The following SNTG2 variants were observed in gnomAD, a reference collection of about 807,000 sequenced individuals.
SNTG2 encodes the protein gamma-2-syntrophin.
Under a neutral mutation model 70.9 loss-of-function variants are expected in SNTG2, and 74 were observed. The observed-to-expected ratio is 1.04, with a 90% CI of 0.86 to 1.27. The LOEUF (loss-of-function observed/expected upper bound fraction) is 1.27, where lower values mean the gene tolerates loss of function less well. SNTG2 is among the 50% of genes most tolerant of loss of function. SNTG2 has a pLI of 0.00. For missense variants in SNTG2, 717 were observed against 690.7 expected (o/e 1.04, Z -0.43); for synonymous variants, 278 against 273.8 (o/e 1.02, Z -0.15).
At chr2:1,341,150 C>T (rs1660065167) in intron 16 of SNTG2, 1 of 152,166 alleles carries the variant, frequency 6.6e-6, no homozygotes, top group Admixed American at 6.5e-5. Context: ...GTTGGAGATG[C>T]TCACAGGAGT....
chr2:1,204,764 G>A (rs1426751436), intron 8 of SNTG2, among the ~76,000 whole-genome samples: 1 of 152,116 alleles, frequency 6.6e-6, no homozygotes, highest in Non-Finnish European at 1.5e-5. Flanking sequence ...TTTATTATAA[G>A]TGTGTGTGTA....
chr2:1,047,071 TCTAA>T (rs1350740397), intron 1 of SNTG2, among the ~76,000 whole-genome samples: 4 of 152,214 alleles, frequency 2.6e-5, no homozygotes, highest in East Asian at 1.9e-4. Context: ...TTTATTCTGG[TCTAA>T]CTGTGTTAAT....
intron 16 of SNTG2, among the ~76,000 whole-genome samples, chr2:1,328,291 G>A (rs191389189): frequency 5.9e-5 from 9 of 152,176 alleles, no homozygotes; most frequent in Admixed American, 2.6e-4. Context: ...ACAAACATGT[G>A]GATAGACACG....
chr2:1,127,108 C>A (rs895704172), intron 4 of SNTG2, among the ~76,000 whole-genome samples: 5 of 112,042 alleles, frequency 4.5e-5, no homozygotes, highest in Admixed American at 2.1e-4. Context: ...ACATTTAGAT[C>A]TTTGATCTAT....
intron 4 of SNTG2, among the ~76,000 whole-genome samples, chr2:1,125,086 A>G (rs1288814181): frequency 2.0e-5 from 3 of 152,198 alleles, no homozygotes; most frequent in Non-Finnish European, 4.4e-5. Context: ...TAATAGTAAC[A>G]AAAATCTACT....
chr2:1,316,325 C>G lies in SNTG2; in HGVS notation c.1438C>G (p.Arg480Gly). 7 of 1,550,496 alleles carry G rather than the reference C, an allele frequency of 4.5e-6. No individual in the cohort carries two copies. The highest frequency in any genetic ancestry group is 2.4e-5 in the South Asian group (2 of 83,834). ...GGGATCTTCAGATGATGGGAAAACTCGAGTAAAGCTGCTGTTTCAGAATCT... is the reference window on the plus strand; with the variant it reads ...GGGATCTTCAGATGATGGGAAAACTGGAGTAAAGCTGCTGTTTCAGAATCT... ...LKGSSDDGKT[R>G]VKLLFQNLDT... The change falls in exon 16 of 17, where the codon CGA becomes GGA. Residue 480 changes from arginine (R) to glycine (G), a missense_variant. Physicochemically the swap from Arg to Gly is moderately radical, Grantham distance 125. Transcript: ENST00000308624.
At chr2:1,237,238 C>T (rs768972973) in intron 9 of SNTG2, among the ~76,000 whole-genome samples, 7 of 152,086 alleles carry the variant, frequency 4.6e-5, no homozygotes, top group African/African-American at 1.7e-4. Flanking sequence ...CCACTGCGCC[C>T]GGCCAATATG....
chr2:1,223,655 G>A (rs964761107), intron 9 of SNTG2, among the ~76,000 whole-genome samples: 3 of 152,336 alleles, frequency 2.0e-5, no homozygotes, highest in South Asian at 2.1e-4. Flanking sequence ...GACATCATTC[G>A]TATTGGGCCA....
intron 1 of SNTG2, among the ~76,000 whole-genome samples, chr2:1,050,614 T>A (rs1572301201): frequency 6.6e-6 from 1 of 152,236 alleles, no homozygotes; most frequent in African/African-American, 2.4e-5. Context: ...AACTTTGTTT[T>A]CTTCCAGGAT....
intron 13 of SNTG2, among the ~76,000 whole-genome samples, chr2:1,264,963 G>C (rs907357294): frequency 1.3e-5 from 2 of 152,200 alleles, no homozygotes; most frequent in Non-Finnish European, 2.9e-5. Context: ...ATCAACAATA[G>C]ACTACTAGTA....
chr2:1,065,636 A>T (rs77520356), intron 1 of SNTG2, among the ~76,000 whole-genome samples: 2,586 of 152,346 alleles, frequency 0.017, 82 homozygotes, highest in African/African-American at 0.059. Flanking sequence ...AATTGTATTT[A>T]GCAATACGTT....
chr2:967,348 C>A (rs182068395), intron 1 of SNTG2, among the ~76,000 whole-genome samples: 18 of 152,192 alleles, frequency 1.2e-4, no homozygotes, highest in Non-Finnish European at 1.9e-4. Context: ...AAAATGTCAC[C>A]GTATGTACTT....
chr2:1,253,931 G>T (rs906764133), intron 12 of SNTG2, among the ~76,000 whole-genome samples: 1 of 152,050 alleles, frequency 6.6e-6, no homozygotes, highest in African/African-American at 2.4e-5. Context: ...TAGAACCATG[G>T]CCAGAGAAGG....
At chr2:988,446 G>A (rs1572195979) in intron 1 of SNTG2, among the ~76,000 whole-genome samples, 1 of 152,014 alleles carries the variant, frequency 6.6e-6, no homozygotes, top group Admixed American at 6.6e-5. Context: ...ATTTTTTTTG[G>A]CTTCTTTTTT....
At chr2:1,147,164 G>A (rs12991160) in intron 6 of SNTG2, among the ~76,000 whole-genome samples, 55,818 of 151,872 alleles carry the variant, frequency 0.37, 11,071 homozygotes, top group East Asian at 0.83. Flanking sequence ...CTATATTTGA[G>A]GACTATTTTT....
At position 1,277,235 on chromosome 2, in the gene SNTG2, T is replaced by G. The variant is rs371942900; in HGVS notation, c.1284+9664T>G. 3.3e-5 allele frequency among the ~76,000 whole-genome samples: 5 copies of G among 152,350 alleles called. No individual in the cohort carries two copies. In the East Asian group the frequency reaches 7.7e-4, roughly 24 times the overall value. On this transcript the variant is annotated intron_variant, in intron 14 of 16. Transcript: ENST00000308624. ...ATGGATAAAATTCTATCAAACAGCA[T>G]CACATGCTACAGAGAAAGTTTTCAT...
intron 4 of SNTG2, among the ~76,000 whole-genome samples, chr2:1,118,625 A>C (rs1390303420): frequency 6.6e-6 from 1 of 152,066 alleles, no homozygotes; most frequent in East Asian, 1.9e-4. Context: ...AAAAAAATTC[A>C]GTAGAGGACT....
intron 14 of SNTG2, among the ~76,000 whole-genome samples, chr2:1,272,892 C>T (rs943176650): frequency 6.6e-6 from 1 of 152,164 alleles, no homozygotes; most frequent in African/African-American, 2.4e-5. Flanking sequence ...AACAGTGTCT[C>T]CTGCGGTGCC....
chr2:1,039,330 T>TA (rs1385533168), intron 1 of SNTG2, among the ~76,000 whole-genome samples: 1 of 152,250 alleles, frequency 6.6e-6, no homozygotes, highest in Non-Finnish European at 1.5e-5. Context: ...GCATTTTAAA[T>TA]ACCGTTTAAG....
Sources: allele counts gnomAD v4.1 joint callset (sites outside exome capture counted in the v4.1 genomes callset), GRCh38; gene constraint gnomAD v4.1.1; transcripts MANE v1.5; gene names NCBI Gene and HGNC (gene_info 2026-07-23, HGNC 2026-07-21).